The following POFUT4 variants were observed in gnomAD, a reference collection of about 807,000 sequenced individuals.
POFUT4 encodes protein O-fucosyltransferase 4, also known as GDP-fucose protein O-fucosyltransferase 4.
the POFUT4 span, chr10:73,772,926 T>A: frequency 1.2e-6 from 2 of 1,609,936 alleles, no homozygotes; most frequent in Non-Finnish European, 1.7e-6. Flanking sequence ...CCTCCGCCCA[T>A]GGAACGCGCG....
chr10:73,778,930 G>A, the POFUT4 span: 1 of 151,942 alleles, frequency 6.6e-6, no homozygotes, highest in Non-Finnish European at 1.5e-5. Flanking sequence ...CTTGAGCCCA[G>A]GGATTCAAGA....
the POFUT4 span, chr10:73,774,994 C>A: frequency 1.7e-5 from 3 of 180,502 alleles, no homozygotes; most frequent in Non-Finnish European, 3.6e-5. Flanking sequence ...TGGTTGGAAT[C>A]CTTCACCAAG....
At chr10:73,775,759 A>AT in the POFUT4 span, 4 of 1,442,046 alleles carry the variant, frequency 2.8e-6, no homozygotes, top group Admixed American at 3.5e-5. Flanking sequence ...AGGAGCATCC[A>AT]CTGCACAAAC....
At chr10:73,775,554 T>C in the POFUT4 span, 1 of 1,614,250 alleles carries the variant, frequency 6.2e-7, no homozygotes, top group Non-Finnish European at 8.5e-7. Flanking sequence ...GAAAGAGATG[T>C]GGCTGCAAGA....
chr10:73,778,587 CCA>C, the POFUT4 span, among the ~76,000 whole-genome samples: 1 of 151,906 alleles, frequency 6.6e-6, no homozygotes, highest in Non-Finnish European at 1.5e-5. Context: ...TAGAGAAGTT[CCA>C]CAGTTTAATA....
chr10:73,772,317 C>A, the POFUT4 span: 7 of 1,424,830 alleles, frequency 4.9e-6, no homozygotes, highest in Admixed American at 2.2e-4. Context: ...GAGGGGGCGC[C>A]GGCTGCCGGA....
the POFUT4 span, chr10:73,775,895 A>C: frequency 1.8e-6 from 1 of 563,568 alleles, no homozygotes; most frequent in East Asian, 2.9e-5. Context: ...GGAGGGATAC[A>C]ATTCTTGGTT....
the POFUT4 span, chr10:73,773,399 C>T: frequency 1.9e-6 from 3 of 1,614,238 alleles, no homozygotes; most frequent in Non-Finnish European, 2.5e-6. Context: ...CCGTGTACCG[C>T]GGTTCTCCCT....
At chr10:73,775,850 A>G in the POFUT4 span, 1 of 690,238 alleles carries the variant, frequency 1.4e-6, no homozygotes, top group Non-Finnish European at 2.4e-6. Flanking sequence ...ATGAGTAGCC[A>G]AGGTCTAACA....
chr10:73,774,176 T>C, the POFUT4 span: 1 of 191,594 alleles, frequency 5.2e-6, no homozygotes, highest in East Asian at 1.4e-4. Context: ...GAGTTTGCAC[T>C]GCACTAAAAA....
chr10:73,773,633 C>G, the POFUT4 span: 1 of 1,614,266 alleles, frequency 6.2e-7, no homozygotes. Flanking sequence ...CTAACTACCT[C>G]AACGGCTTCG....
the POFUT4 span, among the ~76,000 whole-genome samples, chr10:73,776,677 G>A: frequency 6.6e-5 from 10 of 152,176 alleles, no homozygotes; most frequent in South Asian, 2.1e-4. Flanking sequence ...GCGAGACACC[G>A]TCTCAAATTA....
At chr10:73,772,290 C>CGGGGTCGGTGCTGGCCGAGGG in the POFUT4 span, 1 of 1,371,092 alleles carries the variant, frequency 7.3e-7, no homozygotes, top group East Asian at 3.0e-5. Context: ...ATCCGCTGGG[C>CGGGGTCGGTGCTGGCCGAGGG]GGGGTCGGTG....
the POFUT4 span, chr10:73,773,768 G>A: frequency 6.2e-7 from 1 of 1,602,194 alleles, no homozygotes; most frequent in Non-Finnish European, 8.5e-7. Context: ...ACTGCCCAGT[G>A]CCCACACCTG....
At chr10:73,772,338 C>T in the POFUT4 span, 1 of 1,451,868 alleles carries the variant, frequency 6.9e-7, no homozygotes, top group Non-Finnish European at 9.1e-7. Flanking sequence ...GTGGACATGG[C>T]GGCCGGCCCC....
At chr10:73,773,909 G>A in the POFUT4 span, 276 of 1,380,504 alleles carry the variant, frequency 2.0e-4, 1 homozygote, top group Non-Finnish European at 1.2e-4. Context: ...GCAGGTGCAG[G>A]AGGAAATTAT....
the POFUT4 span, chr10:73,773,673 C>A: frequency 1.2e-6 from 2 of 1,614,264 alleles, no homozygotes; most frequent in South Asian, 1.1e-5. Flanking sequence ...CGAACTGGCT[C>A]GGCTGGATGC....
chr10:73,777,751 C>T, the POFUT4 span, among the ~76,000 whole-genome samples: 4 of 152,098 alleles, frequency 2.6e-5, no homozygotes, highest in Admixed American at 2.6e-4. Context: ...GATGGGGTTT[C>T]ACCATGTTGG....
chr10:73,779,681 C>T, the POFUT4 span: 1 of 151,958 alleles, frequency 6.6e-6, no homozygotes, highest in East Asian at 1.9e-4. Context: ...ATTTAGAGTG[C>T]ATAATTATTA....
Sources: gnomAD v4.1 joint callset for allele counts (sites outside exome capture counted in the v4.1 genomes callset) on GRCh38, gnomAD v4.1.1 for gene constraint, MANE v1.5 for transcripts, NCBI Gene and HGNC (gene_info 2026-07-23, HGNC 2026-07-21) for gene names.